The following DACH1 variants were observed in gnomAD, a reference collection of about 807,000 sequenced individuals.
DACH1 encodes the protein dachshund family transcription factor 1.
In DACH1, 12 loss-of-function variants were observed where a neutral mutation model predicts 54.2. That is an observed-to-expected ratio of 0.22 (90% CI 0.14 to 0.36). The LOEUF is 0.36. Among genes scored for constraint, DACH1 ranks in the 10% least tolerant of loss-of-function variants. The pLI, the probability that DACH1 is intolerant of heterozygous loss-of-function variation, is 1.00. For missense variants in DACH1, 805 were observed against 929.8 expected (o/e 0.87, Z 1.75); for synonymous variants, 386 against 366.2 (o/e 1.05, Z -0.62).
chr13:71,864,298 G>T (rs969514756), intron 1 of DACH1, among the ~76,000 whole-genome samples: 3 of 151,948 alleles, frequency 2.0e-5, no homozygotes, highest in Non-Finnish European at 4.4e-5. Context: ...ACACGGAAAA[G>T]AATTTCTGGC....
intron 1 of DACH1, among the ~76,000 whole-genome samples, chr13:71,802,374 A>G (rs917443183): frequency 3.9e-5 from 6 of 152,208 alleles, no homozygotes; most frequent in Non-Finnish European, 7.4e-5. Flanking sequence ...ACTTTTTTCT[A>G]TTATTTGTTA....
rs768930290 is a variant in DACH1 at position 71,518,456 on chromosome 13, C to CTAAT, written c.1571-29312_1571-29309dup. ...ATTTTGTTATGATGACTCCAACAAA[C>CTAAT]TAATATAGTAAAATTCTGTCTCCCA... On this transcript the variant is annotated intron_variant, in intron 6 of 10. Transcript: ENST00000613252. Among the ~76,000 whole-genome samples, 5 of 151,906 alleles carry CTAAT rather than the reference C, an allele frequency of 3.3e-5. 1 individual carries two copies. The East Asian group carries it at 9.7e-4, about 29-fold the overall frequency.
intron 4 of DACH1, among the ~76,000 whole-genome samples, chr13:71,567,506 C>T (rs74331513): frequency 9.2e-4 from 140 of 151,976 alleles, no homozygotes; most frequent in African/African-American, 3.3e-3. Context: ...ATTTCACAGG[C>T]TTGACAGGGA....
At chr13:71,779,183 ATATACG>A (rs1372492243) in intron 1 of DACH1, among the ~76,000 whole-genome samples, 2 of 127,964 alleles carry the variant, frequency 1.6e-5, no homozygotes, top group Non-Finnish European at 3.3e-5. Flanking sequence ...ATATACACAT[ATATACG>A]TATATACGTA....
intron 1 of DACH1, among the ~76,000 whole-genome samples, chr13:71,748,902 T>TCTCTC: frequency 3.8e-5 from 1 of 26,226 alleles, no homozygotes; most frequent in African/African-American, 8.3e-5. Context: ...TTCTTTCTCT[T>TCTCTC]TCTTTCTTTC....
At chr13:71,762,305 C>T (rs1885432247) in intron 1 of DACH1, among the ~76,000 whole-genome samples, 1 of 152,156 alleles carries the variant, frequency 6.6e-6, no homozygotes, top group South Asian at 2.1e-4. Context: ...CTTAGTCCCT[C>T]TTCTGGGGAC....
Position 71,440,364 on chromosome 13 carries a change from C to T in DACH1, c.*291G>A. 3.2e-6 allele frequency: 1 copy of T among 309,610 alleles called. No homozygotes were observed. The highest frequency in any genetic ancestry group is 5.9e-6 in the Non-Finnish European group (1 of 169,784). 19.2% of individuals were successfully genotyped at this position (309,610 alleles called of 1,614,324 possible). A position where few individuals can be genotyped will look rare whatever the true frequency, so the allele number is the denominator to read the frequency against. On this transcript the variant is annotated 3_prime_UTR_variant, in exon 11 of 11. Coordinates refer to ENST00000613252, the MANE Select transcript of DACH1 (RefSeq NM_080759.6). The stretch of plus-strand genomic sequence containing the variant: ...CAAAGCTAGGTCTTATTCAGACCTG[C>T]CTTTAACTCTGTATACAATTGTCCA...
At chr13:71,654,453 A>ATAAAGTAAAGTAAAG (rs1566409099) in intron 2 of DACH1, among the ~76,000 whole-genome samples, 1 of 78,736 alleles carries the variant, frequency 1.3e-5, no homozygotes, top group African/African-American at 4.8e-5. Context: ...ATAAAATAAA[A>ATAAAGTAAAGTAAAG]TAAAGTAAAA....
intron 2 of DACH1, among the ~76,000 whole-genome samples, chr13:71,632,746 C>G (rs1877206538): frequency 6.6e-6 from 1 of 152,070 alleles, no homozygotes; most frequent in African/African-American, 2.4e-5. Flanking sequence ...CAGATTGGGT[C>G]TTTACATGAA....
At position 71,655,700 on chromosome 13, in the gene DACH1, A is replaced by T. The variant is rs866108601; in HGVS notation, c.965-24983T>A. On this transcript the variant is annotated intron_variant, in intron 2 of 10. Transcript: ENST00000613252. ...CTTTCTTAATGAAAGCACACAAAATAAAAATTAAAATTAAAAATCTTAGAA... is the reference window on the plus strand; with the variant it reads ...CTTTCTTAATGAAAGCACACAAAATTAAAATTAAAATTAAAAATCTTAGAA... Among the ~76,000 whole-genome samples the T allele has an allele frequency of 8.5e-5, 13 of 152,262 alleles. No homozygotes were observed. In the South Asian group the frequency reaches 1.0e-3, roughly 12 times the overall value.
chr13:71,866,795 G>A lies in DACH1; in HGVS notation c.-26C>T, dbSNP rs113185835. ...GGTCACATATAAGGGGAAACAGACG[G>A]AGGAGAAGCGAGAGGAAAAGTTGCC... On this transcript the variant is annotated 5_prime_UTR_variant, in exon 1 of 11. Transcript: ENST00000613252. 2.6e-5 allele frequency: 34 copies of A among 1,307,664 alleles called. No homozygotes were observed. In the African/African-American group the frequency reaches 4.8e-4, roughly 19 times the overall value. The allele number at this position is 1,307,664 out of a possible 1,614,324, so 81.0% of individuals were successfully genotyped here. A position where few individuals can be genotyped will look rare whatever the true frequency, so the allele number is the denominator to read the frequency against.
intron 1 of DACH1, among the ~76,000 whole-genome samples, chr13:71,685,489 C>T (rs1881113867): frequency 6.6e-6 from 1 of 152,122 alleles, no homozygotes; most frequent in Non-Finnish European, 1.5e-5. Context: ...AACAGGACAA[C>T]AACTATGAAC....
At chr13:71,675,255 C>T in intron 2 of DACH1, 1 of 1,583,890 alleles carries the variant, frequency 6.3e-7, no homozygotes, top group South Asian at 1.1e-5. Flanking sequence ...TTCTGATTCG[C>T]AGACTTCCCT....
intron 1 of DACH1, among the ~76,000 whole-genome samples, chr13:71,783,981 CAA>C (rs1184800767): frequency 9.6e-6 from 1 of 104,390 alleles, no homozygotes; most frequent in East Asian, 2.8e-4. Flanking sequence ...AAAAAAAAAA[CAA>C]AAAAAAAACT....
intron 10 of DACH1, among the ~76,000 whole-genome samples, chr13:71,445,606 C>G (rs7329074): frequency 0.93 from 141,701 of 152,268 alleles, 66,791 homozygotes; most frequent in East Asian, 1. Context: ...AAATGCACCA[C>G]GCACAGACAG....
chr13:71,799,619 C>T (rs1162011342), intron 1 of DACH1, among the ~76,000 whole-genome samples: 1 of 151,974 alleles, frequency 6.6e-6, no homozygotes, highest in Non-Finnish European at 1.5e-5. Flanking sequence ...AAGAAAAGAA[C>T]AGTAGGTTCA....
chr13:71,491,267 T>C (rs950402043), intron 6 of DACH1, among the ~76,000 whole-genome samples: 1 of 152,142 alleles, frequency 6.6e-6, no homozygotes, highest in Non-Finnish European at 1.5e-5. Context: ...GAGTGACTGA[T>C]TTCAATTGTT....
intron 10 of DACH1, among the ~76,000 whole-genome samples, chr13:71,463,575 C>CA (rs968416656): frequency 7.2e-5 from 11 of 151,994 alleles, no homozygotes; most frequent in African/African-American, 2.6e-4. Context: ...CAAAGGAACT[C>CA]AAAGATTCTG....
chr13:71,499,375 C>T (rs1879724410), intron 6 of DACH1, among the ~76,000 whole-genome samples: 1 of 152,130 alleles, frequency 6.6e-6, no homozygotes, highest in Non-Finnish European at 1.5e-5. Context: ...GGTTATATTT[C>T]CTAGGTTGAT....
Sources: gnomAD v4.1 joint callset for allele counts (sites outside exome capture counted in the v4.1 genomes callset) on GRCh38, gnomAD v4.1.1 for gene constraint, MANE v1.5 for transcripts, NCBI Gene and HGNC (gene_info 2026-07-23, HGNC 2026-07-21) for gene names.